The following ME1 variants were observed in gnomAD, a reference collection of about 807,000 sequenced individuals.
ME1 encodes malic enzyme 1.
In ME1, 74 loss-of-function variants were observed where a neutral mutation model predicts 66.4. The observed-to-expected ratio is 1.11, with a 90% CI of 0.92 to 1.35. The LOEUF (loss-of-function observed/expected upper bound fraction) is 1.35. Among genes scored for constraint, ME1 ranks in the 40% most tolerant of loss-of-function variants. The pLI is 0.00. For missense variants in ME1, 750 were observed against 694.1 expected (o/e 1.08, Z -0.90); for synonymous variants, 251 against 235.6 (o/e 1.07, Z -0.60).
chr6:83,379,173 C>T (rs1298853872), intron 3 of ME1, among the ~76,000 whole-genome samples: 2 of 152,056 alleles, frequency 1.3e-5, no homozygotes, highest in African/African-American at 2.4e-5. Flanking sequence ...TTAACAGTCA[C>T]ATGTTAGGAA....
At position 83,389,782 on chromosome 6, in the gene ME1, T is replaced by A. The variant is rs1043333967; in HGVS notation, c.362+8585A>T. 3.7e-4 allele frequency among the ~76,000 whole-genome samples: 54 copies of A among 145,630 alleles called. No individual in the cohort carries two copies. The South Asian group carries it at 0.011, about 29-fold the overall frequency. On this transcript the variant is annotated intron_variant, in intron 3 of 13. Transcript: ENST00000369705. The stretch of plus-strand genomic sequence containing the variant: ...CAGGAAGCTCAGCAGTCTGCAAAAA[T>A]AAAAAAAAAAATTGTCTCTAGCTTC...
At chr6:83,281,407 C>T (rs1767283938) in intron 6 of ME1, among the ~76,000 whole-genome samples, 1 of 152,158 alleles carries the variant, frequency 6.6e-6, no homozygotes, top group African/African-American at 2.4e-5. Context: ...GATAACTCAT[C>T]TAACAACATT....
intron 7 of ME1, among the ~76,000 whole-genome samples, chr6:83,250,798 T>C (rs1013515503): frequency 2.0e-5 from 3 of 152,172 alleles, no homozygotes; most frequent in Non-Finnish European, 4.4e-5. Context: ...ACTCACCAAC[T>C]CTTTCATGTT....
At chr6:83,250,906 A>T (rs767399620) in intron 7 of ME1, among the ~76,000 whole-genome samples, 17 of 152,226 alleles carry the variant, frequency 1.1e-4, no homozygotes, top group Non-Finnish European at 2.1e-4. Flanking sequence ...TCCCAGACTT[A>T]ATTCTGCTAT....
At chr6:83,264,353 T>C (rs533549925) in intron 6 of ME1, among the ~76,000 whole-genome samples, 15 of 152,282 alleles carry the variant, frequency 9.9e-5, no homozygotes, top group African/African-American at 2.9e-4. Flanking sequence ...TAGAAAAATG[T>C]TTTCATGCCT....
intron 6 of ME1, among the ~76,000 whole-genome samples, chr6:83,301,261 C>CTTTT (rs1767712489): frequency 6.6e-6 from 1 of 151,004 alleles, no homozygotes; most frequent in Non-Finnish European, 1.5e-5. Flanking sequence ...TTCTTTCTTT[C>CTTTT]CCCTTCCTTC....
chr6:83,290,642 C>G (rs1473874799), intron 6 of ME1, among the ~76,000 whole-genome samples: 1 of 152,004 alleles, frequency 6.6e-6, no homozygotes, highest in Non-Finnish European at 1.5e-5. Flanking sequence ...CTATTAGGTC[C>G]ACTTGGTCCA....
At chr6:83,232,191 C>A (rs1178461679) in intron 9 of ME1, among the ~76,000 whole-genome samples, 3 of 152,162 alleles carry the variant, frequency 2.0e-5, no homozygotes, top group Non-Finnish European at 4.4e-5. Flanking sequence ...CTACCTACCC[C>A]CAATTTACTG....
chr6:83,225,205 CAAAAAA>C (rs146673365), intron 11 of ME1, among the ~76,000 whole-genome samples: 2 of 40,494 alleles, frequency 4.9e-5, no homozygotes, highest in East Asian at 1.3e-3. Flanking sequence ...GACTCCATCT[CAAAAAA>C]AAAAAAAAAA....
intron 1 of ME1, among the ~76,000 whole-genome samples, chr6:83,413,084 T>G (rs1185606305): frequency 1.3e-5 from 2 of 152,166 alleles, no homozygotes; most frequent in East Asian, 3.8e-4. Context: ...TTGATATATT[T>G]CATATTCCAC....
chr6:83,299,503 G>C lies in ME1; in HGVS notation c.704+15807C>G, dbSNP rs576417141. ...TATCAGCTTAAGGAGCTTTTGGGCTGAGACCATGGGGTTTTCTAGGTATAG... is the reference window on the plus strand; with the variant it reads ...TATCAGCTTAAGGAGCTTTTGGGCTCAGACCATGGGGTTTTCTAGGTATAG... On this transcript the variant is annotated intron_variant, in intron 6 of 13. Transcript: ENST00000369705. 3.3e-5 allele frequency among the ~76,000 whole-genome samples: 5 copies of C among 152,322 alleles called. No individual in the cohort carries two copies. The South Asian group carries it at 1.0e-3, about 32-fold the overall frequency.
intron 6 of ME1, among the ~76,000 whole-genome samples, chr6:83,271,906 G>C (rs1767088232): frequency 6.6e-6 from 1 of 151,758 alleles, no homozygotes; most frequent in African/African-American, 2.4e-5. Context: ...TATATTTATG[G>C]GGTACATGAG....
rs766365289 is a variant in ME1, at chr6:83,227,421, A to C, written c.1189T>G (p.Phe397Val). 3 of 1,604,266 alleles carry C rather than the reference A, an allele frequency of 1.9e-6. No individual in the cohort carries two copies. The South Asian group carries it at 3.4e-5, about 18-fold the overall frequency. ...GCAAAAATAATAGGCCGTTCATTGA[A>C]GGCAGCCATATCTTTGAGAATTTGT... ...SEQILKDMAA[F>V]NERPIIFALS... The change falls in exon 11 of 14, where the codon TTC becomes GTC. Residue 397 changes from phenylalanine (F) to valine (V), a missense_variant. Transcript: ENST00000369705.
chr6:83,235,454 C>T lies in ME1; in HGVS notation c.1026+2263G>A, dbSNP rs1356881129. ...ACAAAATTTTCATACTATGCTGATTCTTCAAAGCAATAGCTATTTTTTTTT... is the reference window on the plus strand; with the variant it reads ...ACAAAATTTTCATACTATGCTGATTTTTCAAAGCAATAGCTATTTTTTTTT... On this transcript the variant is annotated intron_variant, in intron 9 of 13. Coordinates refer to ENST00000369705, the MANE Select transcript of ME1 (RefSeq NM_002395.6). Among the ~76,000 whole-genome samples, 4 of 149,916 alleles carry T rather than the reference C, an allele frequency of 2.7e-5. No individual in the cohort carries two copies. In the East Asian group the frequency reaches 7.8e-4, roughly 29 times the overall value.
intron 3 of ME1, among the ~76,000 whole-genome samples, chr6:83,354,835 A>G (rs2128544951): frequency 6.6e-6 from 1 of 152,282 alleles, no homozygotes; most frequent in South Asian, 2.1e-4. Flanking sequence ...TGTATCCAAC[A>G]ATATGTGCTG....
chr6:83,312,414 C>T (rs1767948781), intron 6 of ME1, among the ~76,000 whole-genome samples: 2 of 152,140 alleles, frequency 1.3e-5, no homozygotes, highest in Admixed American at 1.3e-4. Flanking sequence ...TTGGTAAGTG[C>T]CACAAGACCC....
intron 3 of ME1, among the ~76,000 whole-genome samples, chr6:83,374,761 A>G (rs1411570075): frequency 6.6e-6 from 1 of 152,088 alleles, no homozygotes; most frequent in Non-Finnish European, 1.5e-5. Context: ...CCATCTTGAG[A>G]TAATTTTTGT....
chr6:83,374,678 T>C (rs768472845), intron 3 of ME1, among the ~76,000 whole-genome samples: 4 of 152,252 alleles, frequency 2.6e-5, no homozygotes, highest in Admixed American at 6.5e-5. Context: ...CACATGCCTA[T>C]GTCCTGAATG....
chr6:83,381,725 CA>C (rs1376661846), intron 3 of ME1, among the ~76,000 whole-genome samples: 1 of 152,124 alleles, frequency 6.6e-6, no homozygotes, highest in African/African-American at 2.4e-5. Context: ...GCATTCAAAG[CA>C]ATTAAGAATT....
Sources: allele counts gnomAD v4.1 joint callset (sites outside exome capture counted in the v4.1 genomes callset), GRCh38; gene constraint gnomAD v4.1.1; transcripts MANE v1.5; gene names NCBI Gene and HGNC (gene_info 2026-07-23, HGNC 2026-07-21).